The following ATXN10 variants were observed in gnomAD, a reference collection of about 807,000 sequenced individuals.
ATXN10 encodes ataxin 10.
ATXN10 carries 28 observed loss-of-function variants against 52.9 expected under a neutral mutation model. That is an observed-to-expected ratio of 0.53 (90% CI 0.39 to 0.73). The LOEUF (loss-of-function observed/expected upper bound fraction) is 0.73. Among genes scored for constraint, ATXN10 ranks in the 30% least tolerant of loss-of-function variants. The pLI is 0.00. For synonymous variants in ATXN10, 226 were observed against 221.5 expected, an observed-to-expected ratio of 1.02 and a Z score of -0.18; for missense variants, 565 against 577.0, an observed-to-expected ratio of 0.98 and a Z score of 0.21.
At chr22:45,813,177 T>C (rs532655470) in intron 10 of ATXN10, among the ~76,000 whole-genome samples, 1 of 152,306 alleles carries the variant, frequency 6.6e-6, no homozygotes, top group South Asian at 2.1e-4. Context: ...AAATTCCAGC[T>C]CCGCTACCAC....
intron 9 of ATXN10, chr22:45,793,745 C>A: frequency 7.0e-7 from 1 of 1,432,290 alleles, no homozygotes; most frequent in Non-Finnish European, 9.2e-7. Context: ...CTTGCCACCC[C>A]CGATTCCTGC....
Position 45,692,952 on chromosome 22 carries a change from G to A in ATXN10, c.309-44G>A, listed in dbSNP as rs1023882198. Reference sequence around the variant, plus strand: ...GCAAAAACAGCCATAGACAATATATGAATGAATGAACATGTCTAATTTTGT... The same window carrying A: ...GCAAAAACAGCCATAGACAATATATAAATGAATGAACATGTCTAATTTTGT... On this transcript the variant is annotated intron_variant, in intron 2 of 11. Transcript: ENST00000252934. The A allele has an allele frequency of 2.0e-6, 3 of 1,517,282 alleles. No homozygotes were observed. The African/African-American group carries it at 4.1e-5, about 21-fold the overall frequency. The allele number at this position is 1,517,282 out of a possible 1,614,324, so 94.0% of individuals were successfully genotyped here. A position where few individuals can be genotyped will look rare whatever the true frequency, so the allele number is the denominator to read the frequency against.
chr22:45,760,116 G>A (rs1385290714), intron 9 of ATXN10, among the ~76,000 whole-genome samples: 1 of 152,176 alleles, frequency 6.6e-6, no homozygotes, highest in Non-Finnish European at 1.5e-5. Flanking sequence ...CGTTTGCTTA[G>A]ACTTCCCTGG....
chr22:45,758,103 C>T (rs1029085015), intron 9 of ATXN10, among the ~76,000 whole-genome samples: 13 of 152,228 alleles, frequency 8.5e-5, no homozygotes, highest in African/African-American at 3.1e-4. Flanking sequence ...ACACCTGGTG[C>T]TGCCTCCACA....
Position 45,826,323 on chromosome 22 carries a change from C to G in ATXN10, c.1238-16668C>G, listed in dbSNP as rs989650675. Among the ~76,000 whole-genome samples, 2 of 151,992 alleles carry G rather than the reference C, an allele frequency of 1.3e-5. No individual in the cohort carries two copies. The highest frequency in any genetic ancestry group is 4.8e-5 in the African/African-American group (2 of 41,348). On this transcript the variant is annotated intron_variant, in intron 10 of 11. Transcript: ENST00000252934. The surrounding 1 kb of genome is among the most constrained non-coding windows in gnomAD (Gnocchi z 5.0). ...AGGGATATGTGGAACACCATCAAGC[C>G]AACCAACATACGCATTGTGGGAAAC...
At chr22:45,807,650 T>C (rs149025475) in intron 10 of ATXN10, among the ~76,000 whole-genome samples, 4 of 152,326 alleles carry the variant, frequency 2.6e-5, no homozygotes, top group African/African-American at 9.6e-5. Flanking sequence ...GTTCAACTAG[T>C]TGTACTATAC....
At chr22:45,807,169 G>A (rs1928128522) in intron 10 of ATXN10, 147 bp downstream of exon 10, 1 of 743,246 alleles carries the variant, frequency 1.3e-6, no homozygotes, top group Non-Finnish European at 2.5e-6. Context: ...TTTTCTCAGA[G>A]TTATGGTGCT....
At chr22:45,756,761 C>T (rs533787161) in intron 9 of ATXN10, among the ~76,000 whole-genome samples, 2 of 152,254 alleles carry the variant, frequency 1.3e-5, no homozygotes, top group South Asian at 4.1e-4. Flanking sequence ...GCACTTAGCT[C>T]ATATTACTCT....
At chr22:45,689,526 A>G in intron 1 of ATXN10, 186 bp from the exon 2 acceptor site, 1 of 618,660 alleles carries the variant, frequency 1.6e-6, no homozygotes, top group Non-Finnish European at 2.9e-6. Context: ...TGACAAGAAC[A>G]GTGTCTGGTG....
rs1928073128 is a variant in ATXN10 at position 45,805,590 on chromosome 22, A to G, written c.1174-1369A>G. Among the ~76,000 whole-genome samples, 1 of 152,224 alleles carries G rather than the reference A, an allele frequency of 6.6e-6. No individual in the cohort carries two copies. Among genetic ancestry groups the G allele is most frequent in the African/African-American group, 2.4e-5 (1 of 41,456 alleles). Reference sequence around the variant, plus strand: ...CCTTGAGTGAAAGAAGCCAGGTTCAAAAGGCTACATGTCGTTCAGATTTTC... The same window carrying G: ...CCTTGAGTGAAAGAAGCCAGGTTCAGAAGGCTACATGTCGTTCAGATTTTC... On this transcript the variant is annotated intron_variant, in intron 9 of 11. Coordinates refer to ENST00000252934, the MANE Select transcript of ATXN10 (RefSeq NM_013236.4). This position sits in a 1 kb window ranked among gnomAD's most constrained non-coding sequence, Gnocchi z 4.4.
chr22:45,673,888 T>C (rs1922575796), intron 1 of ATXN10: 1 of 152,184 alleles, frequency 6.6e-6, no homozygotes, highest in African/African-American at 2.4e-5. Flanking sequence ...AGGTTTCTCG[T>C]ACAGAAGAGA....
chr22:45,793,917 G>A (rs1927611560), intron 9 of ATXN10: 2 of 1,193,244 alleles, frequency 1.7e-6, no homozygotes, highest in African/African-American at 3.1e-5. Flanking sequence ...GCTGCTCCTT[G>A]CAGAGCAGGG....
In ATXN10 at chr22:45,780,345, A is replaced by G. The variant is rs1366501618; in HGVS notation, c.1174-26614A>G. ...ATGATCCACCCGCTTCAGCCTCCCAAATTGCTGGGATTACAGGCATGAGCC... is the reference window on the plus strand; with the variant it reads ...ATGATCCACCCGCTTCAGCCTCCCAGATTGCTGGGATTACAGGCATGAGCC... On this transcript the variant is annotated intron_variant, in intron 9 of 11. Transcript: ENST00000252934. The surrounding 1 kb of genome is among the most constrained non-coding windows in gnomAD (Gnocchi z 4.0). Among the ~76,000 whole-genome samples the G allele has an allele frequency of 2.6e-5, 4 of 152,142 alleles. No homozygotes were observed. The highest frequency in any genetic ancestry group is 9.7e-5 in the African/African-American group (4 of 41,440).
Position 45,780,394 on chromosome 22 carries a change from T to C in ATXN10, c.1174-26565T>C, listed in dbSNP as rs1383288750. 6.6e-6 allele frequency among the ~76,000 whole-genome samples: 1 copy of C among 152,196 alleles called. No homozygotes were observed. Among genetic ancestry groups the C allele is most frequent in the Non-Finnish European group, 1.5e-5 (1 of 68,024 alleles). On this transcript the variant is annotated intron_variant, in intron 9 of 11. Coordinates refer to ENST00000252934, the MANE Select transcript of ATXN10 (RefSeq NM_013236.4). This position sits in a 1 kb window ranked among gnomAD's most constrained non-coding sequence, Gnocchi z 4.0. Reference sequence around the variant, plus strand: ...CCACTGTGCCCGTCGGACTGTTTGCTCTCATGAGAGCAGGGTGTGAAAGCC... The same window carrying C: ...CCACTGTGCCCGTCGGACTGTTTGCCCTCATGAGAGCAGGGTGTGAAAGCC...
Position 45,830,776 on chromosome 22 carries a change from C to T in ATXN10, c.1238-12215C>T, listed in dbSNP as rs1358133373. Among the ~76,000 whole-genome samples the T allele has an allele frequency of 2.6e-5, 4 of 151,704 alleles. No individual in the cohort carries two copies. The East Asian group carries it at 7.7e-4, about 29-fold the overall frequency. On this transcript the variant is annotated intron_variant, in intron 10 of 11. Coordinates refer to ENST00000252934, the MANE Select transcript of ATXN10 (RefSeq NM_013236.4). ...TTACTGATGGGAATGTAAAATGGTG[C>T]AGCCATTGTGGAAAACGGTTTGGCA... is the stretch of plus-strand genomic sequence containing the variant.
In ATXN10 at chr22:45,791,353, G is replaced by A. The variant is rs73444684; in HGVS notation, c.1174-15606G>A. ...ATTGAATTTATTTTTCTATATCAGTGCCAGGAGACAGTATCCTTGTGTTTT... is the reference window on the plus strand; with the variant it reads ...ATTGAATTTATTTTTCTATATCAGTACCAGGAGACAGTATCCTTGTGTTTT... On this transcript the variant is annotated intron_variant, in intron 9 of 11. Transcript: ENST00000252934. Among the ~76,000 whole-genome samples the A allele has an allele frequency of 8.6e-3, 1,306 of 152,110 alleles. 11 individuals are homozygous for A. The highest frequency in any genetic ancestry group is 0.03 in the African/African-American group (1,225 of 41,464).
rs5765623 is a variant in ATXN10, at chr22:45,789,569, G to A, written c.1174-17390G>A. Among the ~76,000 whole-genome samples, 87,191 of 152,036 alleles carry A rather than the reference G, an allele frequency of 0.57. 26,282 individuals carry two copies. The highest frequency in any genetic ancestry group is 0.72 in the South Asian group (3,445 of 4,808). On this transcript the variant is annotated intron_variant, in intron 9 of 11. Transcript: ENST00000252934. The surrounding 1 kb of genome is among the most constrained non-coding windows in gnomAD (Gnocchi z 4.0). ...TCAATTGTCACCGCCCTGGGAAGGCGCCAGTGAAGGGCCTGGAAAAGTTAG... is the reference window on the plus strand; with the variant it reads ...TCAATTGTCACCGCCCTGGGAAGGCACCAGTGAAGGGCCTGGAAAAGTTAG...
rs1431595775 is a variant in ATXN10, at chr22:45,780,695, T to C, written c.1174-26264T>C. On this transcript the variant is annotated intron_variant, in intron 9 of 11. Transcript: ENST00000252934. This position sits in a 1 kb window ranked among gnomAD's most constrained non-coding sequence, Gnocchi z 4.0. ...TTGTTTGCACAAATATATCCTAATC[T>C]TCTGAAATTTAAACCTGGATCAGTG... 2.6e-5 allele frequency among the ~76,000 whole-genome samples: 4 copies of C among 152,216 alleles called. No individual in the cohort carries two copies. The highest frequency in any genetic ancestry group is 9.6e-5 in the African/African-American group (4 of 41,456).
In ATXN10 at chr22:45,784,394, C is replaced by T. The variant is rs540419824; in HGVS notation, c.1174-22565C>T. The stretch of plus-strand genomic sequence containing the variant: ...GATACTTGGCACGTTTCCTTTCCCT[C>T]GCCTATTTCCCATTTTCAAGCAGAG... On this transcript the variant is annotated intron_variant, in intron 9 of 11. Transcript: ENST00000252934. This position sits in a 1 kb window ranked among gnomAD's most constrained non-coding sequence, Gnocchi z 4.2. 3.2e-4 allele frequency among the ~76,000 whole-genome samples: 49 copies of T among 152,146 alleles called. No homozygotes were observed. The highest frequency in any genetic ancestry group is 5.7e-4 in the Non-Finnish European group (39 of 68,024).
Sources: gnomAD v4.1 joint callset for allele counts (sites outside exome capture counted in the v4.1 genomes callset) on GRCh38, gnomAD v4.1.1 for gene constraint, Gnocchi (gnomAD v3.1) non-coding constraint, MANE v1.5 for transcripts, NCBI Gene and HGNC (gene_info 2026-07-23, HGNC 2026-07-21) for gene names.